RFTN1: variants seen among roughly 807,000 people sequenced by gnomAD.
The protein encoded by RFTN1 is raftlin, lipid raft linker 1, also known as raftlin.
Under a neutral mutation model 46.5 loss-of-function variants are expected in RFTN1, and 26 were observed. That is an observed-to-expected ratio of 0.56 (90% CI 0.41 to 0.78). The LOEUF is 0.78. Ranked by LOEUF, RFTN1 falls within the 30% of genes least tolerant of loss-of-function variation. RFTN1 has a pLI of 0.00. For synonymous variants in RFTN1, 261 were observed against 284.2 expected, an observed-to-expected ratio of 0.92 and a Z score of 0.82; for missense variants, 693 against 718.7, an observed-to-expected ratio of 0.96 and a Z score of 0.41.
chr3:16,508,696 GCACA>G lies in RFTN1; in HGVS notation c.-9+4742_-9+4745del, dbSNP rs3029330. Among the ~76,000 whole-genome samples, 75 of 65,782 alleles carry G rather than the reference GCACA, an allele frequency of 1.1e-3. No individual in the cohort carries two copies. In the East Asian group the frequency reaches 0.014, roughly 12 times the overall value. 43.2% of individuals were successfully genotyped at this position (65,782 alleles called of 152,430 possible). On this transcript the variant is annotated intron_variant, in intron 1 of 9. Coordinates refer to ENST00000334133, the MANE Select transcript of RFTN1 (RefSeq NM_015150.2). ...GAATGGAAGGAAAGATCACACGCAC[GCACA>G]CACACACACACACACACACACACCC...
chr3:16,354,863 A>G (rs1180247952), intron 7 of RFTN1, among the ~76,000 whole-genome samples: 3 of 152,118 alleles, frequency 2.0e-5, no homozygotes, highest in Non-Finnish European at 4.4e-5. Flanking sequence ...TCTTCCACCA[A>G]ATATCCTAGT....
At chr3:16,471,722 T>C (rs1177098227) in intron 2 of RFTN1, among the ~76,000 whole-genome samples, 1 of 152,162 alleles carries the variant, frequency 6.6e-6, no homozygotes, top group Non-Finnish European at 1.5e-5. Flanking sequence ...AACACACACA[T>C]AAAAACACAA....
chr3:16,370,240 T>C lies in RFTN1; in HGVS notation c.866A>G (p.His289Arg), dbSNP rs771258497. ...AGGGTAGTATTGCCGGCACTTCTGA[T>C]GGCTCTTCGGTTTGTTGAAAAGGGT... ...IFTLFNKPKSHQKCRQYYPVT... is the reference protein window; with the variant it reads ...IFTLFNKPKSRQKCRQYYPVT... The change falls in exon 6 of 10, where the codon CAT becomes CGT. Residue 289 changes from histidine (H) to arginine (R), a missense_variant. Coordinates refer to ENST00000334133, the MANE Select transcript of RFTN1 (RefSeq NM_015150.2). The surrounding 1 kb of genome is among the most constrained non-coding windows in gnomAD (Gnocchi z 5.5). 1.2e-6 allele frequency: 2 copies of C among 1,614,242 alleles called. No individual in the cohort carries two copies. Among genetic ancestry groups the C allele is most frequent in the Non-Finnish European group, 1.7e-6 (2 of 1,180,030 alleles).
chr3:16,397,441 TTAA>T (rs761837823), intron 4 of RFTN1, among the ~76,000 whole-genome samples: 7 of 152,158 alleles, frequency 4.6e-5, no homozygotes, highest in African/African-American at 1.2e-4. Context: ...AGGACTACAG[TTAA>T]TAATATTTTA....
At chr3:16,325,074 T>TTAC (rs1369768611) in intron 8 of RFTN1, among the ~76,000 whole-genome samples, 2 of 152,242 alleles carry the variant, frequency 1.3e-5, no homozygotes, top group Non-Finnish European at 2.9e-5. Context: ...TCTTTACATG[T>TTAC]TACTGCATTC....
Position 16,402,485 on chromosome 3 carries a change from G to A in RFTN1, c.441+6890C>T, listed in dbSNP as rs2074629635. Among the ~76,000 whole-genome samples, 1 of 152,048 alleles carries A rather than the reference G, an allele frequency of 6.6e-6. No homozygotes were observed. The highest frequency in any genetic ancestry group is 1.5e-5 in the Non-Finnish European group (1 of 68,008). ...CACTATTCTCTTGGTTTGTGGGTGG[G>A]TTCTGGTGCAGCAAGCACAGGAGAG... On this transcript the variant is annotated intron_variant, in intron 4 of 9. Transcript: ENST00000334133. This position sits in a 1 kb window ranked among gnomAD's most constrained non-coding sequence, Gnocchi z 4.5.
In RFTN1 at chr3:16,380,838, C is replaced by G. The variant is rs958419960; in HGVS notation, c.442-2736G>C. On this transcript the variant is annotated intron_variant, in intron 4 of 9. Coordinates refer to ENST00000334133, the MANE Select transcript of RFTN1 (RefSeq NM_015150.2). The surrounding 1 kb of genome is among the most constrained non-coding windows in gnomAD (Gnocchi z 4.8). ...GAATGATGTCTGACATATAGCAGGT[C>G]CTCAATAAATATCTGTTGAATGAAT... Among the ~76,000 whole-genome samples the G allele has an allele frequency of 6.6e-6, 1 of 152,154 alleles. No individual in the cohort carries two copies. The highest frequency in any genetic ancestry group is 2.4e-5 in the African/African-American group (1 of 41,422).
intron 7 of RFTN1, 55 bp downstream of exon 7, chr3:16,357,877 G>T: frequency 8.9e-7 from 1 of 1,117,514 alleles, no homozygotes. Context: ...CAAGCAGGCG[G>T]ATAAAACAAG....
chr3:16,329,268 T>C lies in RFTN1; in HGVS notation c.1147-2392A>G, dbSNP rs149090257. Among the ~76,000 whole-genome samples, 25 of 152,322 alleles carry C rather than the reference T, an allele frequency of 1.6e-4. No homozygotes were observed. In the East Asian group the frequency reaches 4.8e-3, roughly 29 times the overall value. ...CCAGGACCAGGAGCCAAGAACTGTC[T>C]GTCCTTTATAAATTGCCTGATCTCA... is the stretch of plus-strand genomic sequence containing the variant. On this transcript the variant is annotated intron_variant, in intron 7 of 9. Transcript: ENST00000334133. This position sits in a 1 kb window ranked among gnomAD's most constrained non-coding sequence, Gnocchi z 4.5.
At chr3:16,404,853 G>T (rs571114734) in intron 4 of RFTN1, among the ~76,000 whole-genome samples, 8 of 152,014 alleles carry the variant, frequency 5.3e-5, no homozygotes, top group Non-Finnish European at 8.8e-5. Context: ...TCTAATCCAG[G>T]CTCCATCATT....
In RFTN1 at chr3:16,459,671, T is replaced by A. The variant is rs1231635796; in HGVS notation, c.146-25634A>T. Reference sequence around the variant, plus strand: ...CTCTACATTCAAAATTTTCTTAAAATTTTTCTTAAAAATTCTAGTCCATGT... The same window carrying A: ...CTCTACATTCAAAATTTTCTTAAAAATTTTCTTAAAAATTCTAGTCCATGT... On this transcript the variant is annotated intron_variant, in intron 2 of 9. Coordinates refer to ENST00000334133, the MANE Select transcript of RFTN1 (RefSeq NM_015150.2). The surrounding 1 kb of genome is among the most constrained non-coding windows in gnomAD (Gnocchi z 4.2). Among the ~76,000 whole-genome samples the A allele has an allele frequency of 6.6e-6, 1 of 152,172 alleles. No individual in the cohort carries two copies. Among genetic ancestry groups the A allele is most frequent in the Non-Finnish European group, 1.5e-5 (1 of 68,034 alleles).
intron 2 of RFTN1, among the ~76,000 whole-genome samples, chr3:16,464,040 C>T (rs1382287844): frequency 1.3e-5 from 2 of 152,116 alleles, no homozygotes; most frequent in Non-Finnish European, 2.9e-5. Flanking sequence ...GTCTCAGCAC[C>T]AGAAGATTAC....
rs56312811 is a variant in RFTN1 at position 16,401,321 on chromosome 3, T to TAA, written c.441+8052_441+8053dup. On this transcript the variant is annotated intron_variant, in intron 4 of 9. Coordinates refer to ENST00000334133, the MANE Select transcript of RFTN1 (RefSeq NM_015150.2). ...CCTGGGCAACGGAATGAAGCCGTGT[T>TAA]AAAAAAAAAAAAAAAAAAGACGGGG... is the stretch of plus-strand genomic sequence containing the variant. 1.2e-4 allele frequency among the ~76,000 whole-genome samples: 17 copies of TAA among 145,464 alleles called. No homozygotes were observed. In the South Asian group the frequency reaches 1.5e-3, roughly 13 times the overall value.
chr3:16,414,093 T>A (rs2125455111), intron 3 of RFTN1, among the ~76,000 whole-genome samples: 2 of 152,246 alleles, frequency 1.3e-5, no homozygotes, highest in South Asian at 4.1e-4. Flanking sequence ...TCCTAGCACT[T>A]TTCACAGTTC....
rs138575175 is a variant in RFTN1 at position 16,400,680 on chromosome 3, G to A, written c.441+8695C>T. ...TTTTTGGGGAGTGATTGAGACAAGC[G>A]TATGACCCCTTCCCTCCCTCCGGCT... On this transcript the variant is annotated intron_variant, in intron 4 of 9. Transcript: ENST00000334133. This position sits in a 1 kb window ranked among gnomAD's most constrained non-coding sequence, Gnocchi z 4.5. Among the ~76,000 whole-genome samples the A allele has an allele frequency of 4.5e-4, 68 of 152,300 alleles. No homozygotes were observed. The highest frequency in any genetic ancestry group is 8.2e-4 in the Non-Finnish European group (56 of 68,026).
chr3:16,359,273 A>T (rs1166536909), intron 6 of RFTN1, among the ~76,000 whole-genome samples: 1 of 152,144 alleles, frequency 6.6e-6, no homozygotes, highest in Non-Finnish European at 1.5e-5. Flanking sequence ...GATTATGGAC[A>T]ATCTCTCTTG....
chr3:16,512,583 G>A lies in RFTN1; in HGVS notation c.-9+859C>T, dbSNP rs376309099. The stretch of plus-strand genomic sequence containing the variant: ...GAGCGTGCCTGGTTCTACAACCTTG[G>A]CCTCCACGCGGTTCTTGCTGCCAAA... On this transcript the variant is annotated intron_variant, in intron 1 of 9. Transcript: ENST00000334133. The surrounding 1 kb of genome is among the most constrained non-coding windows in gnomAD (Gnocchi z 4.3). 1.1e-3 allele frequency among the ~76,000 whole-genome samples: 160 copies of A among 152,242 alleles called. No individual in the cohort carries two copies. Among genetic ancestry groups the A allele is most frequent in the African/African-American group, 3.7e-3 (153 of 41,554 alleles).
In RFTN1 at chr3:16,421,959, T is replaced by C. The variant is rs949267320; in HGVS notation, c.332+11892A>G. 6.6e-6 allele frequency among the ~76,000 whole-genome samples: 1 copy of C among 152,104 alleles called. No individual in the cohort carries two copies. ...CATACAGCACATGTGACCTCTGACA[T>C]ACACACCAAGCCAGGACACCACCTT... On this transcript the variant is annotated intron_variant, in intron 3 of 9. Coordinates refer to ENST00000334133, the MANE Select transcript of RFTN1 (RefSeq NM_015150.2). This position sits in a 1 kb window ranked among gnomAD's most constrained non-coding sequence, Gnocchi z 4.6.
chr3:16,472,218 A>C (rs1268099479), intron 2 of RFTN1: 1 of 152,002 alleles, frequency 6.6e-6, no homozygotes, highest in Non-Finnish European at 1.5e-5. Flanking sequence ...GAAACTTGGG[A>C]CTTTGTCTTT....
Sources: allele counts gnomAD v4.1 joint callset (sites outside exome capture counted in the v4.1 genomes callset), GRCh38; gene constraint gnomAD v4.1.1; non-coding constraint Gnocchi (gnomAD v3.1); transcripts MANE v1.5; gene names NCBI Gene and HGNC (gene_info 2026-07-23, HGNC 2026-07-21).